The following ADCY8 variants were observed in gnomAD, a reference collection of about 807,000 sequenced individuals.
The protein encoded by ADCY8 is adenylate cyclase 8.
ADCY8 carries 51 observed loss-of-function variants against 119.7 expected under a neutral mutation model. The ratio of observed to expected loss-of-function variants is 0.43; its 90% CI spans 0.34 to 0.54. The LOEUF is 0.54. Ranked by LOEUF, ADCY8 falls within the 20% of genes least tolerant of loss-of-function variation. The probability of loss-of-function intolerance (pLI) is 0.03; values close to 1 mark genes in which losing one functional copy is unlikely to be tolerated. For synonymous variants in ADCY8, 665 were observed against 651.0 expected, an observed-to-expected ratio of 1.02 and a Z score of -0.33; for missense variants, 1,383 against 1,598.8, an observed-to-expected ratio of 0.87 and a Z score of 2.30.
intron 1 of ADCY8, among the ~76,000 whole-genome samples, chr8:131,004,536 A>T (rs115163917): frequency 0.011 from 1,600 of 152,212 alleles, 33 homozygotes; most frequent in African/African-American, 0.037. Flanking sequence ...TTGCCCTTAA[A>T]TGTTGGTGAT....
At chr8:130,813,517 G>T (rs1212975988) in intron 14 of ADCY8, among the ~76,000 whole-genome samples, 1 of 152,076 alleles carries the variant, frequency 6.6e-6, no homozygotes, top group African/African-American at 2.4e-5. Flanking sequence ...ATTTTACTTA[G>T]CGTAATGTAT....
At chr8:130,877,784 C>T (rs1818622590) in intron 8 of ADCY8, among the ~76,000 whole-genome samples, 1 of 152,142 alleles carries the variant, frequency 6.6e-6, no homozygotes, top group African/African-American at 2.4e-5. Flanking sequence ...AATTTAAACA[C>T]ATCTCAGAGG....
At chr8:130,992,964 C>A (rs6988204) in intron 1 of ADCY8, among the ~76,000 whole-genome samples, 68,563 of 151,828 alleles carry the variant, frequency 0.45, 15,853 homozygotes, top group East Asian at 0.79. Flanking sequence ...CATCATAATC[C>A]AAATGCTAAA....
intron 5 of ADCY8, among the ~76,000 whole-genome samples, chr8:130,923,913 T>G (rs771319468): frequency 6.6e-6 from 1 of 152,226 alleles, no homozygotes; most frequent in Admixed American, 6.5e-5. Flanking sequence ...TAGGGCTTAT[T>G]ATCTTGTTAT....
At chr8:130,901,222 T>G (rs564485424) in intron 7 of ADCY8, among the ~76,000 whole-genome samples, 1 of 150,646 alleles carries the variant, frequency 6.6e-6, no homozygotes, top group Admixed American at 6.7e-5. Flanking sequence ...CTAAAGTGAT[T>G]TTTTTTCCCC....
chr8:130,973,425 T>C (rs11777665), intron 2 of ADCY8, among the ~76,000 whole-genome samples: 5,174 of 152,286 alleles, frequency 0.034, 95 homozygotes, highest in East Asian at 0.058. Context: ...ACTATATGAA[T>C]GTACCTGCAC....
At chr8:130,789,036 G>A (rs777238996) in intron 15 of ADCY8, among the ~76,000 whole-genome samples, 2 of 152,124 alleles carry the variant, frequency 1.3e-5, no homozygotes, top group South Asian at 2.1e-4. Flanking sequence ...GGGAGGAGCA[G>A]GAAGAAAGAA....
At chr8:130,984,184 G>C (rs1822325289) in intron 2 of ADCY8, among the ~76,000 whole-genome samples, 1 of 152,154 alleles carries the variant, frequency 6.6e-6, no homozygotes, top group South Asian at 2.1e-4. Context: ...TGGGCTCTCT[G>C]TGGGGAGGAC....
chr8:130,952,035 A>G, intron 2 of ADCY8, 37 bp from the exon 3 acceptor site: 1 of 1,608,792 alleles, frequency 6.2e-7, no homozygotes, highest in South Asian at 1.1e-5. Context: ...TGTTAGGCTG[A>G]CCAGCGAGTC....
chr8:130,996,698 C>T (rs1204441007), intron 1 of ADCY8, among the ~76,000 whole-genome samples: 1 of 151,838 alleles, frequency 6.6e-6, no homozygotes, highest in Non-Finnish European at 1.5e-5. Context: ...TGGATTAGAG[C>T]TAAATGTGGA....
intron 7 of ADCY8, among the ~76,000 whole-genome samples, chr8:130,897,366 C>A (rs193069285): frequency 6.6e-6 from 1 of 152,062 alleles, no homozygotes; most frequent in Admixed American, 6.5e-5. Flanking sequence ...TGTTCACCAG[C>A]CCAGCCAGCC....
chr8:130,923,703 C>T (rs571340503), intron 5 of ADCY8, among the ~76,000 whole-genome samples: 32 of 152,268 alleles, frequency 2.1e-4, no homozygotes, highest in African/African-American at 7.0e-4. Context: ...AGCCACTTTT[C>T]AATCTATGTA....
chr8:130,788,169 C>T (rs756959867), intron 15 of ADCY8, among the ~76,000 whole-genome samples: 10 of 152,114 alleles, frequency 6.6e-5, no homozygotes, highest in Non-Finnish European at 1.2e-4. Context: ...GCAGTGAACA[C>T]GGGAGTGCAG....
intron 5 of ADCY8, among the ~76,000 whole-genome samples, chr8:130,924,857 TA>T (rs1461434428): frequency 2.0e-5 from 3 of 152,110 alleles, no homozygotes; most frequent in Non-Finnish European, 4.4e-5. Context: ...TATGAGGACT[TA>T]ATGAGCCAAT....
intron 9 of ADCY8, among the ~76,000 whole-genome samples, chr8:130,852,154 A>T (rs1031203373): frequency 6.6e-6 from 1 of 152,214 alleles, no homozygotes; most frequent in Non-Finnish European, 1.5e-5. Flanking sequence ...GAAATTCACA[A>T]GGAAAGAGTA....
intron 14 of ADCY8, among the ~76,000 whole-genome samples, chr8:130,810,935 G>A (rs1816144485): frequency 6.6e-6 from 1 of 152,066 alleles, no homozygotes; most frequent in Admixed American, 6.6e-5. Flanking sequence ...CTGTTTCGGT[G>A]TCTTGATTAA....
intron 2 of ADCY8, among the ~76,000 whole-genome samples, chr8:130,971,945 CTCT>C (rs1337426267): frequency 1.3e-5 from 2 of 152,200 alleles, no homozygotes; most frequent in African/African-American, 4.8e-5. Context: ...ACTGAAGGAT[CTCT>C]TCTTATTTGA....
At chr8:130,884,799 A>C (rs1427466359) in intron 7 of ADCY8, 38 bp from the exon 8 acceptor site, 1 of 1,579,520 alleles carries the variant, frequency 6.3e-7, no homozygotes, top group Non-Finnish European at 8.7e-7. Flanking sequence ...TAAACCTGCT[A>C]GTCCCCTTTA....
intron 13 of ADCY8, among the ~76,000 whole-genome samples, chr8:130,817,262 T>C (rs1586444099): frequency 6.6e-6 from 1 of 152,344 alleles, no homozygotes; most frequent in East Asian, 1.9e-4. Context: ...AGTCAAAAGC[T>C]TGTGGTCCTC....
Sources: gnomAD v4.1 joint callset for allele counts (sites outside exome capture counted in the v4.1 genomes callset) on GRCh38, gnomAD v4.1.1 for gene constraint, MANE v1.5 for transcripts, NCBI Gene and HGNC (gene_info 2026-07-23, HGNC 2026-07-21) for gene names.